The following LRRC4C variants were observed in gnomAD, a reference collection of about 807,000 sequenced individuals.
LRRC4C encodes leucine rich repeat containing 4C.
In LRRC4C, 5 loss-of-function variants were observed where a neutral mutation model predicts 33.6. The ratio of observed to expected loss-of-function variants is 0.15; its 90% CI spans 0.08 to 0.31. LRRC4C has a LOEUF of 0.31. Ranked by LOEUF, LRRC4C falls within the 10% of genes least tolerant of loss-of-function variation. The probability of loss-of-function intolerance (pLI) is 1.00; values close to 1 mark genes in which losing one functional copy is unlikely to be tolerated. For synonymous variants in LRRC4C, 329 were observed against 302.0 expected, an observed-to-expected ratio of 1.09 and a Z score of -0.93; for missense variants, 560 against 796.7, an observed-to-expected ratio of 0.70 and a Z score of 3.58.
At chr11:40,236,776 C>T (rs1200292890) in intron 5 of LRRC4C, among the ~76,000 whole-genome samples, 1 of 152,144 alleles carries the variant, frequency 6.6e-6, no homozygotes, top group Non-Finnish European at 1.5e-5. Flanking sequence ...GCAAGGCCCA[C>T]AGTAGACTCT....
chr11:41,403,747 C>T (rs1954113235), intron 1 of LRRC4C, among the ~76,000 whole-genome samples: 1 of 152,094 alleles, frequency 6.6e-6, no homozygotes, highest in Non-Finnish European at 1.5e-5. Context: ...TTTGTCTTCT[C>T]TCCTCCTCCC....
intron 2 of LRRC4C, among the ~76,000 whole-genome samples, chr11:40,686,367 G>T (rs893129808): frequency 3.3e-5 from 5 of 152,166 alleles, no homozygotes; most frequent in Admixed American, 6.5e-5. Flanking sequence ...GCTCAAGCTA[G>T]TGGAATGTAG....
chr11:40,221,024 G>C (rs557874834), intron 5 of LRRC4C, among the ~76,000 whole-genome samples: 1 of 151,698 alleles, frequency 6.6e-6, no homozygotes, highest in South Asian at 2.1e-4. Context: ...TACAGTCGTC[G>C]GCCACCATGC....
intron 2 of LRRC4C, among the ~76,000 whole-genome samples, chr11:40,883,265 A>G (rs1955273925): frequency 6.6e-6 from 1 of 152,104 alleles, no homozygotes; most frequent in Admixed American, 6.6e-5. Flanking sequence ...AAGAAATGCA[A>G]CTTTCCAGTC....
chr11:40,622,669 T>C (rs1962566882), intron 3 of LRRC4C, among the ~76,000 whole-genome samples: 1 of 151,868 alleles, frequency 6.6e-6, no homozygotes, highest in South Asian at 2.1e-4. Flanking sequence ...TGTTTAAACT[T>C]TTTGCTAAAG....
At position 41,451,494 on chromosome 11, in the gene LRRC4C, G is replaced by T. The variant is rs998981682; in HGVS notation, c.-496+7937C>A. Among the ~76,000 whole-genome samples the T allele has an allele frequency of 6.6e-5, 10 of 152,004 alleles. 1 individual carries two copies. Among genetic ancestry groups the T allele is most frequent in the Admixed American group, 6.6e-4 (10 of 15,224 alleles). On this transcript the variant is annotated intron_variant, in intron 1 of 6. Transcript: ENST00000528697. The stretch of plus-strand genomic sequence containing the variant: ...CATTTAGCAAAAGCTTAAAAAAAAT[G>T]CAGCAGTGCTTATAGTGATGGAAGA...
intron 3 of LRRC4C, among the ~76,000 whole-genome samples, chr11:40,546,354 C>A (rs547444966): frequency 1.3e-5 from 2 of 151,974 alleles, no homozygotes; most frequent in Non-Finnish European, 2.9e-5. Flanking sequence ...ATGCTAGGTA[C>A]TTTATATTTT....
chr11:40,241,245 G>C (rs1334834390), intron 5 of LRRC4C, among the ~76,000 whole-genome samples: 1 of 152,042 alleles, frequency 6.6e-6, no homozygotes, highest in Non-Finnish European at 1.5e-5. Context: ...AGCCAGGCAT[G>C]GTAGTGCACA....
intron 1 of LRRC4C, among the ~76,000 whole-genome samples, chr11:41,211,378 T>G (rs907544269): frequency 3.3e-5 from 5 of 152,112 alleles, no homozygotes; most frequent in Admixed American, 6.6e-5. Flanking sequence ...TGTGCACAAC[T>G]TGCAGGTTTG....
intron 1 of LRRC4C, among the ~76,000 whole-genome samples, chr11:41,259,419 GATTA>G (rs1948904872): frequency 6.6e-6 from 1 of 151,996 alleles, no homozygotes; most frequent in Admixed American, 6.6e-5. Context: ...TACATGGTCA[GATTA>G]ATTTATTCTT....
At chr11:41,451,841 C>A (rs998865733) in intron 1 of LRRC4C, among the ~76,000 whole-genome samples, 1 of 152,102 alleles carries the variant, frequency 6.6e-6, no homozygotes, top group African/African-American at 2.4e-5. Flanking sequence ...GCAAAAGTCA[C>A]ATATAAACAT....
chr11:40,363,456 G>A (rs1467013949), intron 3 of LRRC4C, among the ~76,000 whole-genome samples: 2 of 151,938 alleles, frequency 1.3e-5, no homozygotes, highest in East Asian at 3.9e-4. Flanking sequence ...TAAATAATGG[G>A]TACTAGGCTT....
intron 3 of LRRC4C, among the ~76,000 whole-genome samples, chr11:40,561,972 C>G (rs774614903): frequency 3.4e-4 from 52 of 152,242 alleles, no homozygotes; most frequent in Non-Finnish European, 2.5e-4. Context: ...ATGTTTACAA[C>G]AAACATAGTT....
At chr11:40,455,090 G>C (rs1316595781) in intron 3 of LRRC4C, among the ~76,000 whole-genome samples, 1 of 152,138 alleles carries the variant, frequency 6.6e-6, no homozygotes, top group Non-Finnish European at 1.5e-5. Context: ...GCTTCAACCA[G>C]TTGTCCACAC....
intron 5 of LRRC4C, among the ~76,000 whole-genome samples, chr11:40,179,302 C>A (rs996242704): frequency 1.3e-4 from 20 of 152,278 alleles, no homozygotes; most frequent in African/African-American, 4.8e-4. Context: ...CCACACCCAG[C>A]TGGTCATCCC....
chr11:40,440,299 CTTTTT>C (rs66998647), intron 3 of LRRC4C, among the ~76,000 whole-genome samples: 7 of 131,864 alleles, frequency 5.3e-5, no homozygotes, highest in Admixed American at 7.5e-5. Context: ...TGGTCTCTTT[CTTTTT>C]TTTTTTTTTT....
At position 40,638,883 on chromosome 11, in the gene LRRC4C, G is replaced by A. The variant is rs557240543; in HGVS notation, c.-270+9259C>T. Among the ~76,000 whole-genome samples the A allele has an allele frequency of 2.0e-5, 3 of 151,206 alleles. No individual in the cohort carries two copies. In the South Asian group the frequency reaches 6.3e-4, roughly 32 times the overall value. On this transcript the variant is annotated intron_variant, in intron 3 of 6. Transcript: ENST00000528697. ...TAAATTATAAGACTTAATATACGATGTTGCTAAAAGAGTTCCTTGCCTAGG... is the reference window on the plus strand; with the variant it reads ...TAAATTATAAGACTTAATATACGATATTGCTAAAAGAGTTCCTTGCCTAGG...
intron 4 of LRRC4C, among the ~76,000 whole-genome samples, chr11:40,273,686 T>C (rs1942877063): frequency 6.6e-6 from 1 of 152,068 alleles, no homozygotes; most frequent in African/African-American, 2.4e-5. Context: ...TTTACATAAA[T>C]GGAGAAAAAT....
chr11:41,059,458 A>G (rs1858904083), intron 1 of LRRC4C, among the ~76,000 whole-genome samples: 1 of 151,798 alleles, frequency 6.6e-6, no homozygotes, highest in Non-Finnish European at 1.5e-5. Flanking sequence ...TGTACGTGGT[A>G]GAGATCTCCA....
Sources: allele counts gnomAD v4.1 joint callset (sites outside exome capture counted in the v4.1 genomes callset), GRCh38; gene constraint gnomAD v4.1.1; transcripts MANE v1.5; gene names NCBI Gene and HGNC (gene_info 2026-07-23, HGNC 2026-07-21).